Variants in PALD1 observed in about 807,000 individuals in gnomAD.
PALD1 encodes phosphatase domain containing paladin 1.
In PALD1, 57 loss-of-function variants were observed where a neutral mutation model predicts 96.0. The observed-to-expected ratio is 0.59, with a 90% CI of 0.48 to 0.74. The LOEUF is 0.74. Among genes scored for constraint, PALD1 ranks in the 30% least tolerant of loss-of-function variants. The pLI is 0.00. For missense variants in PALD1, 1,063 were observed against 1,143.7 expected (o/e 0.93, Z 1.02); for synonymous variants, 464 against 473.6 (o/e 0.98, Z 0.26).
In PALD1 at chr10:70,567,062, C is replaced by G. The variant is rs528030321; in HGVS notation, c.*329C>G. On this transcript the variant is annotated 3_prime_UTR_variant, in exon 20 of 20. Transcript: ENST00000263563. ...CCAAGGGGCTCACTCCCCCAGTTGCCAAACACTGTGGATCTCTCTGTCCTC... is the reference window on the plus strand; with the variant it reads ...CCAAGGGGCTCACTCCCCCAGTTGCGAAACACTGTGGATCTCTCTGTCCTC... The G allele has an allele frequency of 5.9e-4, 163 of 274,686 alleles. No individual in the cohort carries two copies. Among genetic ancestry groups the G allele is most frequent in the African/African-American group, 3.5e-3 (156 of 45,108 alleles). The allele number at this position is 274,686 out of a possible 1,614,324, so 17.0% of individuals were successfully genotyped here. A position where few individuals can be genotyped will look rare whatever the true frequency, so the allele number is the denominator to read the frequency against.
chr10:70,535,415 TCCTTCCC>T (rs1847090049), intron 10 of PALD1, among the ~76,000 whole-genome samples: 1 of 110,176 alleles, frequency 9.1e-6, no homozygotes, highest in African/African-American at 3.5e-5. Flanking sequence ...ACCCTCTTCC[TCCTTCCC>T]CCTTCCTCCT....
At chr10:70,562,220 C>T (rs1847753966) in intron 18 of PALD1, among the ~76,000 whole-genome samples, 1 of 152,214 alleles carries the variant, frequency 6.6e-6, no homozygotes, top group Non-Finnish European at 1.5e-5. Context: ...CTCTGGTCCC[C>T]TCGCCCCTCT....
In PALD1 at chr10:70,539,357, C is replaced by T. The variant is rs929241865; in HGVS notation, c.1725+110C>T. 8.3e-7 allele frequency: 1 copy of T among 1,210,870 alleles called. No individual in the cohort carries two copies. The highest frequency in any genetic ancestry group is 2.6e-5 in the East Asian group (1 of 39,170). The allele number at this position is 1,210,870 out of a possible 1,614,324, so 75.0% of individuals were successfully genotyped here. ...CCGCAGACAGATGGAGAATCTGAGG[C>T]CCCGGGAGGAGCAGTGTCAGGGAGT... On this transcript the variant is annotated intron_variant, in intron 14 of 19. Coordinates refer to ENST00000263563, the MANE Select transcript of PALD1 (RefSeq NM_014431.3). The surrounding 1 kb of genome is among the most constrained non-coding windows in gnomAD (Gnocchi z 4.5).
At chr10:70,506,731 G>A (rs991195522) in intron 1 of PALD1, among the ~76,000 whole-genome samples, 8 of 152,170 alleles carry the variant, frequency 5.3e-5, no homozygotes, top group Non-Finnish European at 8.8e-5. Flanking sequence ...GAGCAGCAGG[G>A]AGGGCACGAC....
Position 70,564,503 on chromosome 10 carries a change from G to A in PALD1, c.2402G>A (p.Ser801Asn). 6.2e-7 allele frequency: 1 copy of A among 1,613,804 alleles called. No individual in the cohort carries two copies. Among genetic ancestry groups the A allele is most frequent in the South Asian group, 1.1e-5 (1 of 91,074 alleles). The change falls in exon 19 of 20, where the codon AGC becomes AAC. Residue 801 changes from serine to asparagine, a missense_variant. Transcript: ENST00000263563. ...EKADSWQRPF[S>N]TWMQEVASKA... is the part of the protein sequence containing the mutation. ...GCCGACTCCTGGCAGAGGCCCTTCA[G>A]CACCTGGATGCAGGAGGTGAGGGGA...
chr10:70,554,943 TCCCCCTCCTCCCCCC>T (rs1847568565), intron 18 of PALD1, among the ~76,000 whole-genome samples: 1 of 316 alleles, frequency 3.2e-3, no homozygotes, highest in Non-Finnish European at 6.8e-3. Context: ...CCCCCTCCCC[TCCCCCTCCTCCCCCC>T]TCCCCTCCCC....
chr10:70,511,638 G>C (rs1465685147), intron 1 of PALD1, among the ~76,000 whole-genome samples: 3 of 152,182 alleles, frequency 2.0e-5, no homozygotes, highest in African/African-American at 7.2e-5. Context: ...CTTGGCATCT[G>C]GTGCAGGCCT....
chr10:70,526,204 T>C (rs1020578049), intron 2 of PALD1, 68 bp downstream of exon 2: 17 of 1,321,080 alleles, frequency 1.3e-5, no homozygotes, highest in Non-Finnish European at 1.7e-5. Context: ...TGCTTGGGGG[T>C]GCAGTGGCAT....
chr10:70,551,724 A>G (rs1038806043), intron 18 of PALD1, among the ~76,000 whole-genome samples: 1 of 152,124 alleles, frequency 6.6e-6, no homozygotes, highest in African/African-American at 2.4e-5. Flanking sequence ...TTCAGCAATA[A>G]AACTATTCCA....
chr10:70,535,498 T>TCTCTTC (rs1465289317), intron 10 of PALD1, among the ~76,000 whole-genome samples: 1 of 118,528 alleles, frequency 8.4e-6, no homozygotes, highest in African/African-American at 3.2e-5. Flanking sequence ...TCCTTCTCCC[T>TCTCTTC]CTCTTCCTCT....
chr10:70,534,629 C>G, intron 9 of PALD1, 105 bp downstream of exon 9: 1 of 1,153,774 alleles, frequency 8.7e-7, no homozygotes, highest in Admixed American at 2.0e-5. Flanking sequence ...CCCTACCTCT[C>G]TGCCAATCTT....
At chr10:70,565,142 G>T (rs757520730) in intron 19 of PALD1, among the ~76,000 whole-genome samples, 1 of 152,194 alleles carries the variant, frequency 6.6e-6, no homozygotes, top group African/African-American at 2.4e-5. Context: ...TGTGATTGTC[G>T]CTCTCCCATT....
At chr10:70,492,680 C>T (rs565406911) in intron 1 of PALD1, among the ~76,000 whole-genome samples, 2 of 152,140 alleles carry the variant, frequency 1.3e-5, no homozygotes, top group South Asian at 2.1e-4. Context: ...TGGTGTAGAA[C>T]TCCTGACCTC....
intron 19 of PALD1, among the ~76,000 whole-genome samples, chr10:70,566,184 GC>G (rs1015494980): frequency 2.6e-5 from 4 of 152,172 alleles, no homozygotes; most frequent in African/African-American, 7.2e-5. Flanking sequence ...CCTCCAGCTA[GC>G]CCACCTGGGG....
At chr10:70,564,319 G>A (rs777523137) in intron 18 of PALD1, 45 bp from the exon 19 acceptor site, 2 of 1,567,464 alleles carry the variant, frequency 1.3e-6, no homozygotes, top group East Asian at 2.3e-5. Context: ...TGTGTTGGGG[G>A]ACACGGATCC....
the PALD1 span, among the ~76,000 whole-genome samples, chr10:70,471,198 A>T: frequency 6.6e-6 from 1 of 152,204 alleles, no homozygotes; most frequent in Non-Finnish European, 1.5e-5. Flanking sequence ...ACCTCAGGTG[A>T]TCCATTGGCC....
intron 18 of PALD1, among the ~76,000 whole-genome samples, chr10:70,557,969 T>A (rs1424361804): frequency 7.3e-6 from 1 of 137,058 alleles, no homozygotes; most frequent in Non-Finnish European, 1.6e-5. Flanking sequence ...AGTCTTGCTC[T>A]GTCACCCAGG....
At chr10:70,482,592 CA>C (rs954756612) in intron 1 of PALD1, among the ~76,000 whole-genome samples, 2 of 152,140 alleles carry the variant, frequency 1.3e-5, no homozygotes, top group African/African-American at 4.8e-5. Flanking sequence ...CTTTTCCACT[CA>C]GGGCTTTTCC....
intron 1 of PALD1, among the ~76,000 whole-genome samples, chr10:70,516,698 C>A (rs1846626221): frequency 6.6e-6 from 1 of 151,802 alleles, no homozygotes; most frequent in Non-Finnish European, 1.5e-5. Context: ...CTACTACAGG[C>A]ATGCACCACC....
Sources: gnomAD v4.1 joint callset for allele counts (sites outside exome capture counted in the v4.1 genomes callset) on GRCh38, gnomAD v4.1.1 for gene constraint, Gnocchi (gnomAD v3.1) non-coding constraint, MANE v1.5 for transcripts, NCBI Gene and HGNC (gene_info 2026-07-23, HGNC 2026-07-21) for gene names.